PGCKA1: variants seen among roughly 807,000 people sequenced by gnomAD.
The protein encoded by PGCKA1 is PDCD10 and GCKIII kinases-associated protein 1.
chr4:37,560,382 T>C, the PGCKA1 span, among the ~76,000 whole-genome samples: 272 of 141,628 alleles, frequency 1.9e-3, 2 homozygotes, highest in African/African-American at 7.5e-3. Flanking sequence ...CCAAGCCCTG[T>C]TGCCTTATAC....
chr4:37,562,079 C>T, the PGCKA1 span, among the ~76,000 whole-genome samples: 4 of 152,142 alleles, frequency 2.6e-5, no homozygotes, highest in Admixed American at 6.5e-5. Flanking sequence ...AGAAGAAACC[C>T]ATTTACAGTA....
the PGCKA1 span, among the ~76,000 whole-genome samples, chr4:37,502,698 G>A: frequency 6.6e-6 from 1 of 152,300 alleles, no homozygotes; most frequent in African/African-American, 2.4e-5. Flanking sequence ...ACACAGCAAT[G>A]TAAGGGGGCT....
the PGCKA1 span, among the ~76,000 whole-genome samples, chr4:37,544,125 C>T: frequency 6.6e-6 from 1 of 152,092 alleles, no homozygotes; most frequent in African/African-American, 2.4e-5. Flanking sequence ...TGTCTTTATC[C>T]TACCCTCTCA....
At chr4:37,574,679 C>T in the PGCKA1 span, among the ~76,000 whole-genome samples, 1 of 152,134 alleles carries the variant, frequency 6.6e-6, no homozygotes, top group Non-Finnish European at 1.5e-5. Context: ...GTTAAGCTAT[C>T]AAATACCAGG....
chr4:37,532,799 G>A, the PGCKA1 span, among the ~76,000 whole-genome samples: 7 of 142,768 alleles, frequency 4.9e-5, no homozygotes, highest in Non-Finnish European at 7.8e-5. Context: ...TTTCCCATTC[G>A]TCCACTAGCA....
At chr4:37,512,204 G>A in the PGCKA1 span, among the ~76,000 whole-genome samples, 6 of 152,148 alleles carry the variant, frequency 3.9e-5, no homozygotes, top group African/African-American at 1.4e-4. Flanking sequence ...GGACTAATCT[G>A]GTATTTGGTT....
chr4:37,521,363 G>GC, the PGCKA1 span, among the ~76,000 whole-genome samples: 1 of 152,216 alleles, frequency 6.6e-6, no homozygotes, highest in Admixed American at 6.5e-5. Context: ...CCCACCCAGG[G>GC]CCTGGGAGAC....
chr4:37,468,096 G>C, the PGCKA1 span, among the ~76,000 whole-genome samples: 2 of 152,148 alleles, frequency 1.3e-5, no homozygotes, highest in African/African-American at 4.8e-5. Context: ...CCAATATCCC[G>C]AACTTCCGGA....
the PGCKA1 span, among the ~76,000 whole-genome samples, chr4:37,528,373 A>G: frequency 9.2e-5 from 14 of 152,142 alleles, no homozygotes; most frequent in Non-Finnish European, 2.1e-4. Context: ...CACAGAGCCA[A>G]CCTGCAGCCG....
chr4:37,568,009 C>A, the PGCKA1 span, among the ~76,000 whole-genome samples: 6,614 of 152,224 alleles, frequency 0.043, 165 homozygotes, highest in Non-Finnish European at 0.052. Context: ...ACAAAAAAAA[C>A]CACATTGAAT....
At chr4:37,467,750 G>A in the PGCKA1 span, among the ~76,000 whole-genome samples, 1 of 152,200 alleles carries the variant, frequency 6.6e-6, no homozygotes, top group Non-Finnish European at 1.5e-5. Context: ...TACTTGGAAG[G>A]CCTCATAAAT....
At chr4:37,521,780 G>A in the PGCKA1 span, among the ~76,000 whole-genome samples, 1 of 152,124 alleles carries the variant, frequency 6.6e-6, no homozygotes, top group South Asian at 2.1e-4. Flanking sequence ...GCTGAAAGCG[G>A]GATGTTGAAG....
chr4:37,590,439 T>C, the PGCKA1 span: 1 of 1,611,624 alleles, frequency 6.2e-7, no homozygotes, highest in Non-Finnish European at 8.5e-7. Flanking sequence ...GTACTGCAAA[T>C]ACTGTTCCCC....
At chr4:37,532,475 C>T in the PGCKA1 span, among the ~76,000 whole-genome samples, 1 of 151,662 alleles carries the variant, frequency 6.6e-6, no homozygotes, top group Non-Finnish European at 1.5e-5. Flanking sequence ...TCATTGAAAG[C>T]ATTCTGTGAA....
At chr4:37,520,610 A>AT in the PGCKA1 span, among the ~76,000 whole-genome samples, 30,018 of 150,146 alleles carry the variant, frequency 0.2, 3,611 homozygotes, top group African/African-American at 0.33. Flanking sequence ...TGTAACATTT[A>AT]TTTTTTTTTC....
At chr4:37,543,655 C>T in the PGCKA1 span, among the ~76,000 whole-genome samples, 3 of 100,842 alleles carry the variant, frequency 3.0e-5, no homozygotes, top group African/African-American at 1.1e-4. Flanking sequence ...CGGTGAAACC[C>T]ATCTCTACTG....
At chr4:37,527,889 A>G in the PGCKA1 span, among the ~76,000 whole-genome samples, 1 of 152,136 alleles carries the variant, frequency 6.6e-6, no homozygotes, top group Non-Finnish European at 1.5e-5. Context: ...GTAACGCACC[A>G]TACAGATGTG....
the PGCKA1 span, among the ~76,000 whole-genome samples, chr4:37,485,952 A>C: frequency 6.6e-6 from 1 of 152,324 alleles, no homozygotes; most frequent in South Asian, 2.1e-4. Context: ...CCCCCTGTAC[A>C]TAGCCAGTAG....
the PGCKA1 span, among the ~76,000 whole-genome samples, chr4:37,558,685 A>C: frequency 2.8e-5 from 4 of 142,474 alleles, no homozygotes; most frequent in African/African-American, 1.1e-4. Flanking sequence ...AAATTTTCGC[A>C]ACCTACTCAT....
Sources: allele counts gnomAD v4.1 joint callset (sites outside exome capture counted in the v4.1 genomes callset), GRCh38; gene constraint gnomAD v4.1.1; transcripts MANE v1.5; gene names NCBI Gene and HGNC (gene_info 2026-07-23, HGNC 2026-07-21).